SLC30A9: variants seen among roughly 807,000 people sequenced by gnomAD.
SLC30A9 encodes solute carrier family 30 member 9.
Under a neutral mutation model 87.5 loss-of-function variants are expected in SLC30A9, and 58 were observed. That is an observed-to-expected ratio of 0.66 (90% CI 0.54 to 0.82). The LOEUF (loss-of-function observed/expected upper bound fraction) is 0.82, where lower values mean the gene tolerates loss of function less well. Among genes scored for constraint, SLC30A9 ranks in the 40% least tolerant of loss-of-function variants. The pLI is 0.00. For missense variants in SLC30A9, 557 were observed against 679.1 expected (o/e 0.82, Z 2.00); for synonymous variants, 234 against 233.0 (o/e 1.00, Z -0.04).
At chr4:42,050,996 T>A (rs1717361967) in intron 9 of SLC30A9, among the ~76,000 whole-genome samples, 1 of 152,136 alleles carries the variant, frequency 6.6e-6, no homozygotes, top group Non-Finnish European at 1.5e-5. Flanking sequence ...TTCCTTGAAT[T>A]GAATGTTTGC....
chr4:42,079,769 G>A (rs1157703742), intron 17 of SLC30A9, among the ~76,000 whole-genome samples: 1 of 151,628 alleles, frequency 6.6e-6, no homozygotes, highest in African/African-American at 2.4e-5. Flanking sequence ...CACCACGCCT[G>A]GCTAATTTTT....
chr4:42,056,008 G>A (rs903724149), intron 9 of SLC30A9, among the ~76,000 whole-genome samples: 1 of 152,120 alleles, frequency 6.6e-6, no homozygotes, highest in Admixed American at 6.6e-5. Flanking sequence ...AAAAGGTCTG[G>A]AAGGATACAT....
intron 6 of SLC30A9, 55 bp downstream of exon 6, chr4:42,023,439 A>G: frequency 4.3e-6 from 5 of 1,150,390 alleles, no homozygotes; most frequent in Non-Finnish European, 6.6e-6. Flanking sequence ...GTAGATGAGA[A>G]CTGTATCTGT....
intron 16 of SLC30A9, 94 bp downstream of exon 16, chr4:42,075,880 C>A: frequency 5.8e-6 from 7 of 1,204,380 alleles, no homozygotes; most frequent in East Asian, 2.5e-5. Flanking sequence ...ATCTTAAAGG[C>A]ACTTTAGCTC....
At chr4:41,994,811 C>A (rs1714621572) in intron 1 of SLC30A9, among the ~76,000 whole-genome samples, 1 of 140,624 alleles carries the variant, frequency 7.1e-6, no homozygotes, top group African/African-American at 2.6e-5. Flanking sequence ...TTGCTTGAAC[C>A]CGTCAGATGT....
At chr4:42,070,257 T>G in intron 14 of SLC30A9, 1 of 300,498 alleles carries the variant, frequency 3.3e-6, no homozygotes, top group East Asian at 5.5e-5. Flanking sequence ...GTCTCTAATC[T>G]AAATGTGCTC....
intron 13 of SLC30A9, 79 bp downstream of exon 13, chr4:42,066,700 C>A: frequency 1.1e-6 from 1 of 907,338 alleles, no homozygotes; most frequent in Admixed American, 2.0e-5. Flanking sequence ...TTGCTTTGTT[C>A]CTAATAGAAA....
chr4:42,019,639 A>C (rs1436673119), intron 3 of SLC30A9, among the ~76,000 whole-genome samples: 1 of 152,220 alleles, frequency 6.6e-6, no homozygotes, highest in Non-Finnish European at 1.5e-5. Flanking sequence ...ACTAGTATAC[A>C]CATAGATTAG....
intron 2 of SLC30A9, among the ~76,000 whole-genome samples, chr4:42,014,543 G>A (rs113311480): frequency 1.4e-4 from 19 of 137,838 alleles, no homozygotes; most frequent in South Asian, 2.6e-4. Context: ...GCGACAGAGC[G>A]AGACTCCGTC....
At chr4:42,079,296 C>CT (rs869238777) in intron 17 of SLC30A9, among the ~76,000 whole-genome samples, 2,653 of 142,304 alleles carry the variant, frequency 0.019, 57 homozygotes, top group African/African-American at 0.06. Flanking sequence ...ATATAAATAA[C>CT]TTTTTTTTTT....
At chr4:42,057,346 A>G (rs1416456660) in intron 9 of SLC30A9, among the ~76,000 whole-genome samples, 1 of 152,172 alleles carries the variant, frequency 6.6e-6, no homozygotes, top group African/African-American at 2.4e-5. Flanking sequence ...GGTGTTTCCC[A>G]TACATCCTCT....
intron 17 of SLC30A9, among the ~76,000 whole-genome samples, chr4:42,085,698 G>A (rs1718899841): frequency 6.6e-6 from 1 of 152,044 alleles, no homozygotes; most frequent in Admixed American, 6.5e-5. Context: ...AGAATATATG[G>A]ATTGTTGCTA....
rs750008955 is a variant in SLC30A9 at position 42,086,092 on chromosome 4, C to T, written c.1673C>T (p.Pro558Leu). ...RLEKELKKRN[P>L]EVRHVDLEIL The stretch of plus-strand genomic sequence containing the variant: ...GATTTTTCTTTCCAGAAACGAAATC[C>T]TGAAGTTCGACATGTAGATTTGGAG... The change falls in exon 18 of 18, where the codon CCT becomes CTT. Residue 558 changes from proline to leucine, a missense_variant. By Grantham distance (98) the Pro-to-Leu change is moderately conservative (BLOSUM62 -3). Around this residue, in one of 2 missense-constraint regions of SLC30A9, gnomAD observed 90 missense variants for 149.4 expected, o/e 0.60. Coordinates refer to ENST00000264451, the MANE Select transcript of SLC30A9 (RefSeq NM_006345.4). 1 of 1,545,806 alleles carries T rather than the reference C, an allele frequency of 6.5e-7. No homozygotes were observed. The highest frequency in any genetic ancestry group is 8.8e-7 in the Non-Finnish European group (1 of 1,135,050).
chr4:42,005,835 T>G (rs554678171), intron 2 of SLC30A9, among the ~76,000 whole-genome samples: 2 of 152,330 alleles, frequency 1.3e-5, no homozygotes, highest in African/African-American at 4.8e-5. Context: ...TCAAGAAATA[T>G]TTATTGAGCA....
chr4:42,077,202 G>A (rs894459664), intron 16 of SLC30A9, among the ~76,000 whole-genome samples: 4 of 152,040 alleles, frequency 2.6e-5, no homozygotes, highest in Admixed American at 6.6e-5. Flanking sequence ...TTACATGATT[G>A]TATTAATAGA....
intron 6 of SLC30A9, chr4:42,029,814 G>A: frequency 1.4e-6 from 1 of 728,884 alleles, no homozygotes. Flanking sequence ...GACTTACCCA[G>A]TGATGAAGTA....
At chr4:41,998,070 C>T (rs759021445) in intron 1 of SLC30A9, among the ~76,000 whole-genome samples, 3 of 152,156 alleles carry the variant, frequency 2.0e-5, no homozygotes, top group Non-Finnish European at 4.4e-5. Context: ...TGTTGTTATT[C>T]GTAGCCTAAA....
chr4:42,005,756 G>A (rs1296399300), intron 2 of SLC30A9, among the ~76,000 whole-genome samples: 1 of 152,114 alleles, frequency 6.6e-6, no homozygotes, highest in African/African-American at 2.4e-5. Flanking sequence ...CATTTAAAAA[G>A]ATTTTGCTTG....
At chr4:42,007,694 T>C (rs935702214) in intron 2 of SLC30A9, among the ~76,000 whole-genome samples, 2 of 152,110 alleles carry the variant, frequency 1.3e-5, no homozygotes, top group South Asian at 2.1e-4. Flanking sequence ...GAGGGAGAGG[T>C]TGCAGTGAGC....
Sources: allele counts gnomAD v4.1 joint callset (sites outside exome capture counted in the v4.1 genomes callset), GRCh38; gene constraint gnomAD v4.1.1; regional missense constraint gnomAD v4.1.1; transcripts MANE v1.5; gene names NCBI Gene and HGNC (gene_info 2026-07-23, HGNC 2026-07-21).